TMEFF2: variants seen among roughly 807,000 people sequenced by gnomAD.
TMEFF2 encodes transmembrane protein with EGF like and two follistatin like domains 2.
In TMEFF2, 28 loss-of-function variants were observed where a neutral mutation model predicts 53.8. The ratio of observed to expected loss-of-function variants is 0.52; its 90% CI spans 0.39 to 0.71. The LOEUF (loss-of-function observed/expected upper bound fraction) is 0.71, where lower values mean the gene tolerates loss of function less well. Among genes scored for constraint, TMEFF2 ranks in the 30% least tolerant of loss-of-function variants. The pLI is 0.00. For missense variants in TMEFF2, 353 were observed against 455.2 expected (o/e 0.78, Z 2.04); for synonymous variants, 162 against 166.3 (o/e 0.97, Z 0.20).
intron 5 of TMEFF2, among the ~76,000 whole-genome samples, chr2:192,001,802 CTG>C (rs1487259859): frequency 1.3e-5 from 2 of 152,126 alleles, no homozygotes; most frequent in Non-Finnish European, 2.9e-5. Context: ...CCACGTGGAA[CTG>C]TGAGTCCATT....
intron 4 of TMEFF2, among the ~76,000 whole-genome samples, chr2:192,121,985 A>G (rs1469476156): frequency 2.6e-5 from 4 of 152,226 alleles, no homozygotes; most frequent in Non-Finnish European, 5.9e-5. Flanking sequence ...CTATAGCATA[A>G]TAGAGTGACT....
In TMEFF2 at chr2:192,191,055, T is replaced by C. The variant is rs192109917; in HGVS notation, c.282+825A>G. Among the ~76,000 whole-genome samples the C allele has an allele frequency of 8.6e-3, 1,307 of 152,264 alleles. 9 individuals carry two copies. Among genetic ancestry groups the C allele is most frequent in the Non-Finnish European group, 0.012 (846 of 67,960 alleles). On this transcript the variant is annotated intron_variant, in intron 2 of 9. Transcript: ENST00000272771. Reference sequence around the variant, plus strand: ...GCTATTAGTACAACATCCATGCTACTTGAAGTTCTGCATGATTATATGAAC... The same window carrying C: ...GCTATTAGTACAACATCCATGCTACCTGAAGTTCTGCATGATTATATGAAC...
chr2:192,158,220 A>T (rs1241253635), intron 4 of TMEFF2, among the ~76,000 whole-genome samples: 2 of 152,138 alleles, frequency 1.3e-5, no homozygotes, highest in African/African-American at 4.8e-5. Flanking sequence ...AGACTTAAAA[A>T]ATCTATGGAA....
intron 4 of TMEFF2, among the ~76,000 whole-genome samples, chr2:192,165,424 A>C (rs1690739678): frequency 6.6e-6 from 1 of 152,160 alleles, no homozygotes; most frequent in Non-Finnish European, 1.5e-5. Flanking sequence ...AATGCCTGAC[A>C]CATAGTACGT....
chr2:192,161,740 G>A (rs1340581730), intron 4 of TMEFF2, among the ~76,000 whole-genome samples: 1 of 152,138 alleles, frequency 6.6e-6, no homozygotes, highest in Non-Finnish European at 1.5e-5. Context: ...TGAGTTTGTT[G>A]TGGGCAGTGA....
At chr2:192,133,243 C>T (rs868585615) in intron 4 of TMEFF2, among the ~76,000 whole-genome samples, 221 of 151,430 alleles carry the variant, frequency 1.5e-3, no homozygotes, top group African/African-American at 5.1e-3. Context: ...ATCTCATTGC[C>T]GCCCTTCTTC....
chr2:192,101,101 C>T (rs1395675021), intron 4 of TMEFF2, among the ~76,000 whole-genome samples: 2 of 152,094 alleles, frequency 1.3e-5, no homozygotes, highest in Non-Finnish European at 2.9e-5. Flanking sequence ...CATTATAGTT[C>T]ATGGGATGTT....
intron 3 of TMEFF2, among the ~76,000 whole-genome samples, chr2:192,182,399 T>C (rs1294729938): frequency 6.6e-6 from 1 of 151,996 alleles, no homozygotes; most frequent in African/African-American, 2.4e-5. Context: ...CCATGGAAGA[T>C]GCATTCAGCA....
chr2:191,966,507 A>C (rs1692476630), intron 7 of TMEFF2, among the ~76,000 whole-genome samples: 1 of 152,218 alleles, frequency 6.6e-6, no homozygotes, highest in Non-Finnish European at 1.5e-5. Context: ...CAAAAATCAC[A>C]GTGGAACTAT....
intron 4 of TMEFF2, among the ~76,000 whole-genome samples, chr2:192,149,189 G>C (rs1041892005): frequency 2.6e-5 from 4 of 151,946 alleles, no homozygotes; most frequent in African/African-American, 9.7e-5. Context: ...AGGGCCTCAA[G>C]AGGAAGGGAG....
intron 4 of TMEFF2, among the ~76,000 whole-genome samples, chr2:192,107,767 A>G (rs1293232820): frequency 6.6e-6 from 1 of 151,822 alleles, no homozygotes; most frequent in Non-Finnish European, 1.5e-5. Flanking sequence ...GAGTATATAC[A>G]CTGCAGTAAG....
chr2:192,128,538 G>C (rs1689732361), intron 4 of TMEFF2, among the ~76,000 whole-genome samples: 1 of 152,188 alleles, frequency 6.6e-6, no homozygotes, highest in Non-Finnish European at 1.5e-5. Context: ...CAGAACAAGT[G>C]AAGTGTTGCC....
chr2:192,098,542 A>C (rs1368310595), intron 4 of TMEFF2, among the ~76,000 whole-genome samples: 1 of 152,222 alleles, frequency 6.6e-6, no homozygotes, highest in Non-Finnish European at 1.5e-5. Flanking sequence ...ATAAGGGAGA[A>C]CCAAGGTACT....
At chr2:191,970,370 A>T (rs1411700367) in intron 7 of TMEFF2, among the ~76,000 whole-genome samples, 2 of 151,968 alleles carry the variant, frequency 1.3e-5, no homozygotes, top group Non-Finnish European at 2.9e-5. Context: ...GAAATAAGTA[A>T]TTACTTAAAA....
chr2:192,120,675 T>C (rs1689528535), intron 4 of TMEFF2, among the ~76,000 whole-genome samples: 2 of 152,188 alleles, frequency 1.3e-5, no homozygotes, highest in Non-Finnish European at 2.9e-5. Flanking sequence ...CTTGTTTCTA[T>C]TTGCCTTGAG....
At chr2:192,033,915 C>T (rs527711669) in intron 5 of TMEFF2, among the ~76,000 whole-genome samples, 21 of 152,164 alleles carry the variant, frequency 1.4e-4, no homozygotes, top group Non-Finnish European at 2.8e-4. Flanking sequence ...GTGGCTCACG[C>T]CCGTAATCCC....
At chr2:192,104,709 C>A (rs1689106404) in intron 4 of TMEFF2, among the ~76,000 whole-genome samples, 1 of 151,286 alleles carries the variant, frequency 6.6e-6, no homozygotes, top group South Asian at 2.1e-4. Flanking sequence ...TTTTTTTTTC[C>A]TTAGAGCCTT....
intron 7 of TMEFF2, among the ~76,000 whole-genome samples, chr2:191,984,871 A>C (rs1685939190): frequency 6.6e-6 from 1 of 152,122 alleles, no homozygotes; most frequent in African/African-American, 2.4e-5. Flanking sequence ...AGCTTTATAT[A>C]TATATTAACA....
intron 4 of TMEFF2, among the ~76,000 whole-genome samples, chr2:192,154,510 T>C (rs1024640771): frequency 6.6e-6 from 1 of 152,012 alleles, no homozygotes; most frequent in African/African-American, 2.4e-5. Flanking sequence ...GAAACTACTT[T>C]GGTGCTTGTG....
Sources: allele counts gnomAD v4.1 joint callset (sites outside exome capture counted in the v4.1 genomes callset), GRCh38; gene constraint gnomAD v4.1.1; transcripts MANE v1.5; gene names NCBI Gene and HGNC (gene_info 2026-07-23, HGNC 2026-07-21).